The following CSMD1 variants were observed in gnomAD, a reference collection of about 807,000 sequenced individuals.
CSMD1 encodes CUB and Sushi multiple domains 1.
In CSMD1, 213 loss-of-function variants were observed where a neutral mutation model predicts 417.5. The observed-to-expected ratio is 0.51, with a 90% CI of 0.46 to 0.57. CSMD1 has a LOEUF of 0.57. Among genes scored for constraint, CSMD1 ranks in the 20% least tolerant of loss-of-function variants. CSMD1 has a pLI of 0.00. For synonymous variants in CSMD1, 2,862 were observed against 1,736.8 expected (o/e 1.65, Z -16.11); for missense variants, 6,923 against 4,529.7 (o/e 1.53, Z -15.17).
chr8:3,810,346 C>T (rs192300716), intron 5 of CSMD1, among the ~76,000 whole-genome samples: 1 of 152,314 alleles, frequency 6.6e-6, no homozygotes, highest in Admixed American at 6.5e-5. Flanking sequence ...AATAGTGCTT[C>T]TCAGTCACAA....
chr8:3,703,843 G>C (rs1198615177), intron 7 of CSMD1, among the ~76,000 whole-genome samples: 2 of 152,184 alleles, frequency 1.3e-5, no homozygotes, highest in Non-Finnish European at 2.9e-5. Context: ...GGCCAAGGCA[G>C]GAAGATCACC....
intron 25 of CSMD1, among the ~76,000 whole-genome samples, chr8:3,296,229 C>G (rs972229414): frequency 2.6e-5 from 4 of 151,744 alleles, no homozygotes; most frequent in Non-Finnish European, 5.9e-5. Flanking sequence ...TTTGGTGCAG[C>G]CTTGAAGGAG....
intron 1 of CSMD1, among the ~76,000 whole-genome samples, chr8:4,945,808 C>T (rs1299343363): frequency 6.6e-6 from 1 of 152,102 alleles, no homozygotes; most frequent in Non-Finnish European, 1.5e-5. Context: ...AAGTAGGCAG[C>T]AGAACCCAGT....
intron 23 of CSMD1, among the ~76,000 whole-genome samples, chr8:3,336,219 G>T (rs192242960): frequency 4.6e-5 from 7 of 152,088 alleles, no homozygotes; most frequent in African/African-American, 1.4e-4. Flanking sequence ...CAAGGCCTTC[G>T]TGTGTGAGTT....
In CSMD1 at chr8:3,119,476, G is replaced by T. The variant is rs111883512; in HGVS notation, c.6242-889C>A. Among the ~76,000 whole-genome samples the T allele has an allele frequency of 9.7e-3, 1,412 of 145,488 alleles. 22 individuals carry two copies. Among genetic ancestry groups the T allele is most frequent in the African/African-American group, 0.03 (1,208 of 40,142 alleles). The stretch of plus-strand genomic sequence containing the variant: ...AATTTTTTATAACATGATTTATTGT[G>T]CTTTATCATTCAGTCTTTATGTTCC... On this transcript the variant is annotated intron_variant, in intron 41 of 69. Transcript: ENST00000635120.
At chr8:4,445,645 G>A (rs191929083) in intron 2 of CSMD1, among the ~76,000 whole-genome samples, 4 of 152,318 alleles carry the variant, frequency 2.6e-5, no homozygotes, top group South Asian at 2.1e-4. Flanking sequence ...TCCTAGGAAA[G>A]TAAGGTTATT....
chr8:4,188,037 C>A (rs552662279), intron 3 of CSMD1, among the ~76,000 whole-genome samples: 1 of 152,072 alleles, frequency 6.6e-6, no homozygotes, highest in African/African-American at 2.4e-5. Context: ...TAAGACAGTG[C>A]AAACTTCGTC....
At chr8:4,619,975 A>C (rs572611146) in intron 2 of CSMD1, among the ~76,000 whole-genome samples, 1 of 152,194 alleles carries the variant, frequency 6.6e-6, no homozygotes, top group Non-Finnish European at 1.5e-5. Flanking sequence ...ATAGTGTTAC[A>C]TGAGGCATAA....
At chr8:4,050,126 G>T (rs965605417) in intron 3 of CSMD1, among the ~76,000 whole-genome samples, 6 of 152,246 alleles carry the variant, frequency 3.9e-5, no homozygotes, top group South Asian at 2.1e-4. Flanking sequence ...CAGAGGTAAA[G>T]AACACTTCTC....
chr8:4,088,633 G>C (rs561817599), intron 3 of CSMD1, among the ~76,000 whole-genome samples: 2 of 152,252 alleles, frequency 1.3e-5, no homozygotes, highest in African/African-American at 2.4e-5. Context: ...ACCAGGTTGA[G>C]AGTAAAGCCC....
intron 1 of CSMD1, among the ~76,000 whole-genome samples, chr8:4,690,656 T>A (rs1806710469): frequency 6.6e-6 from 1 of 152,240 alleles, no homozygotes; most frequent in Non-Finnish European, 1.5e-5. Context: ...TGTGAAATAA[T>A]CTCAGCATTT....
In CSMD1 at chr8:3,815,898, A is replaced by C. The variant is rs145807974; in HGVS notation, c.819-61856T>G. On this transcript the variant is annotated intron_variant, in intron 5 of 69. Coordinates refer to ENST00000635120, the MANE Select transcript of CSMD1 (RefSeq NM_033225.6). ...AGACTTGTTACACTAAATTATCATC[A>C]AGAGTAAATAGAAAGAGGAAAAAGA... Among the ~76,000 whole-genome samples, 192 of 152,320 alleles carry C rather than the reference A, an allele frequency of 1.3e-3. 1 individual carries two copies. The East Asian group carries it at 0.018, about 15-fold the overall frequency.
Position 4,467,140 on chromosome 8 carries a change from A to G in CSMD1, c.303-47075T>C, listed in dbSNP as rs1375627057. ...TTCAGAGTAAAAAAAAAAAAAAAAA[A>G]GAAAAAAAAAGAAAAAACAAATGTT... On this transcript the variant is annotated intron_variant, in intron 2 of 69. Coordinates refer to ENST00000635120, the MANE Select transcript of CSMD1 (RefSeq NM_033225.6). 6.0e-5 allele frequency among the ~76,000 whole-genome samples: 9 copies of G among 149,064 alleles called. No individual in the cohort carries two copies. The East Asian group carries it at 1.4e-3, about 23-fold the overall frequency.
At chr8:3,798,818 T>G (rs1439834556) in intron 5 of CSMD1, among the ~76,000 whole-genome samples, 1 of 152,114 alleles carries the variant, frequency 6.6e-6, no homozygotes, top group African/African-American at 2.4e-5. Context: ...TTCGTGTTGG[T>G]TGAAATTTAG....
intron 3 of CSMD1, among the ~76,000 whole-genome samples, chr8:4,071,679 G>A (rs1050833779): frequency 6.6e-6 from 1 of 152,104 alleles, no homozygotes; most frequent in African/African-American, 2.4e-5. Context: ...TTCTGGAATT[G>A]TGAATTTGGT....
intron 3 of CSMD1, among the ~76,000 whole-genome samples, chr8:4,158,700 A>C (rs1392662923): frequency 6.6e-6 from 1 of 152,016 alleles, no homozygotes; most frequent in African/African-American, 2.4e-5. Flanking sequence ...GCTATTCCTA[A>C]ACCACCCCAT....
rs1242651700 is a variant in CSMD1, at chr8:3,971,056, G to A, written c.818+26847C>T. On this transcript the variant is annotated intron_variant, in intron 5 of 69. Coordinates refer to ENST00000635120, the MANE Select transcript of CSMD1 (RefSeq NM_033225.6). ...ATGAGTCACCGCGCCCGGCCTACAT[G>A]GAATCTTAATACAAATGGGGGAGCC... 5.3e-5 allele frequency among the ~76,000 whole-genome samples: 8 copies of A among 152,084 alleles called. No homozygotes were observed. In the East Asian group the frequency reaches 1.4e-3, roughly 26 times the overall value.
At chr8:3,902,588 A>G (rs2627423) in intron 5 of CSMD1, among the ~76,000 whole-genome samples, 2 of 151,874 alleles carry the variant, frequency 1.3e-5, no homozygotes, top group African/African-American at 4.8e-5. Flanking sequence ...AGGGTTCACG[A>G]TCCTATGAAA....
chr8:3,282,268 G>A (rs565570510), intron 26 of CSMD1, among the ~76,000 whole-genome samples: 1 of 152,158 alleles, frequency 6.6e-6, no homozygotes, highest in African/African-American at 2.4e-5. Context: ...GGACCACTCT[G>A]TGGGGATGTT....
Sources: gnomAD v4.1 joint callset for allele counts (sites outside exome capture counted in the v4.1 genomes callset) on GRCh38, gnomAD v4.1.1 for gene constraint, MANE v1.5 for transcripts, NCBI Gene and HGNC (gene_info 2026-07-23, HGNC 2026-07-21) for gene names.